SEZ6L: variants seen among roughly 807,000 people sequenced by gnomAD.
SEZ6L encodes seizure 6-like protein.
A neutral mutation model predicts 106.2 loss-of-function variants in SEZ6L; 37 were observed. The ratio of observed to expected loss-of-function variants is 0.35; its 90% CI spans 0.27 to 0.46. SEZ6L has a LOEUF of 0.46. Among genes scored for constraint, SEZ6L ranks in the 20% least tolerant of loss-of-function variants. The probability of loss-of-function intolerance (pLI) is 1.00; values close to 1 mark genes in which losing one functional copy is unlikely to be tolerated. For missense variants in SEZ6L, 1,172 were observed against 1,332.8 expected (o/e 0.88, Z 1.88); for synonymous variants, 541 against 570.4 (o/e 0.95, Z 0.73).
chr22:26,198,195 G>A (rs568777743), intron 1 of SEZ6L, among the ~76,000 whole-genome samples: 5 of 152,290 alleles, frequency 3.3e-5, no homozygotes, highest in Non-Finnish European at 5.9e-5. Flanking sequence ...TGAGCCTCTG[G>A]TTTTGCTTCT....
chr22:26,222,827 A>C (rs1233891355), intron 1 of SEZ6L, among the ~76,000 whole-genome samples: 2 of 152,170 alleles, frequency 1.3e-5, no homozygotes, highest in Non-Finnish European at 2.9e-5. Flanking sequence ...TATCCATCAC[A>C]GTGGTTCTTA....
In SEZ6L at chr22:26,169,727, C is replaced by T; in HGVS notation, c.58C>T (p.Leu20=). ...GLRGISLFLA[L]LLGSPAAALE... Reference sequence around the variant, plus strand: ...CCGCGGGATCTCGCTGTTCCTCGCTCTGCTCCTGGGGAGCCCGGCGGCAGC... The same window carrying T: ...CCGCGGGATCTCGCTGTTCCTCGCTTTGCTCCTGGGGAGCCCGGCGGCAGC... Residue 20 remains leucine (L), a synonymous_variant, in exon 1 of 17, where the codon CTG becomes TTG. Coordinates refer to ENST00000248933, the MANE Select transcript of SEZ6L (RefSeq NM_021115.5). The T allele has an allele frequency of 1.6e-6, 2 of 1,287,738 alleles. No individual in the cohort carries two copies. Among genetic ancestry groups the T allele is most frequent in the Non-Finnish European group, 2.0e-6 (2 of 1,019,860 alleles). 79.8% of individuals were successfully genotyped at this position (1,287,738 alleles called of 1,614,324 possible).
intron 1 of SEZ6L, among the ~76,000 whole-genome samples, chr22:26,192,378 A>G (rs1174283553): frequency 4.6e-5 from 7 of 152,158 alleles, no homozygotes; most frequent in Admixed American, 4.6e-4. Flanking sequence ...TGTAACATTT[A>G]AGAAGAAGTA....
intron 9 of SEZ6L, among the ~76,000 whole-genome samples, chr22:26,337,031 C>T (rs914127327): frequency 6.6e-6 from 1 of 152,138 alleles, no homozygotes; most frequent in Non-Finnish European, 1.5e-5. Context: ...CATCACCGAG[C>T]TTGCCCAGGT....
chr22:26,263,730 A>C (rs894201451), intron 1 of SEZ6L, among the ~76,000 whole-genome samples: 1 of 152,212 alleles, frequency 6.6e-6, no homozygotes. Context: ...TTTACAGTGC[A>C]GGAAAATCTC....
chr22:26,293,008 C>G lies in SEZ6L; in HGVS notation c.697C>G (p.Pro233Ala). 1 of 1,614,180 alleles carries G rather than the reference C, an allele frequency of 6.2e-7. No individual in the cohort carries two copies. Among genetic ancestry groups the G allele is most frequent in the Non-Finnish European group, 8.5e-7 (1 of 1,180,012 alleles). Residue 233 changes from proline to alanine, a missense_variant, in exon 2 of 17, where the codon CCC (proline) becomes GCC (alanine). Pro to Ala is a conservative substitution (Grantham distance 27). Transcript: ENST00000248933. ...EPGPDMAQEA[P>A]QEDTSPMALM... ...TGGGCCTGACATGGCCCAGGAGGCCCCCCAGGAGGACACCAGCCCCATGGC... is the reference window on the plus strand; with the variant it reads ...TGGGCCTGACATGGCCCAGGAGGCCGCCCAGGAGGACACCAGCCCCATGGC...
chr22:26,379,862 T>C (rs1161100597), intron 16 of SEZ6L, among the ~76,000 whole-genome samples: 1 of 152,238 alleles, frequency 6.6e-6, no homozygotes, highest in Non-Finnish European at 1.5e-5. Flanking sequence ...AATGGCTTAA[T>C]GCAACAAGCA....
At chr22:26,350,330 C>T (rs149305253) in intron 11 of SEZ6L, among the ~76,000 whole-genome samples, 10 of 151,554 alleles carry the variant, frequency 6.6e-5, no homozygotes, top group East Asian at 2.0e-4. Flanking sequence ...CAGGCTTAAG[C>T]GATCCTCTCA....
chr22:26,226,922 G>A (rs1263836381), intron 1 of SEZ6L, among the ~76,000 whole-genome samples: 1 of 152,196 alleles, frequency 6.6e-6, no homozygotes, highest in Non-Finnish European at 1.5e-5. Flanking sequence ...CAATAAAGAT[G>A]AGAGAGCAGA....
intron 1 of SEZ6L, among the ~76,000 whole-genome samples, chr22:26,263,124 G>T (rs561626087): frequency 6.6e-6 from 1 of 152,080 alleles, no homozygotes; most frequent in African/African-American, 2.4e-5. Context: ...ATGGTCTACC[G>T]GGTGCCACAT....
intron 1 of SEZ6L, among the ~76,000 whole-genome samples, chr22:26,248,159 C>A (rs1602151507): frequency 6.6e-6 from 1 of 152,200 alleles, no homozygotes; most frequent in Non-Finnish European, 1.5e-5. Context: ...CTACTGTGTG[C>A]CAGGTAGTTC....
intron 15 of SEZ6L, 148 bp downstream of exon 15, chr22:26,375,837 G>T (rs1239879220): frequency 3.3e-6 from 2 of 613,598 alleles, no homozygotes; most frequent in Non-Finnish European, 5.8e-6. Context: ...CCCAGATTCA[G>T]CCCAACTCTG....
At chr22:26,333,715 T>G (rs961606292) in intron 9 of SEZ6L, among the ~76,000 whole-genome samples, 2 of 152,034 alleles carry the variant, frequency 1.3e-5, no homozygotes, top group African/African-American at 4.8e-5. Context: ...CAGATGAGCA[T>G]CCCCAGACCA....
chr22:26,246,888 C>G (rs1222144230), intron 1 of SEZ6L, among the ~76,000 whole-genome samples: 1 of 152,178 alleles, frequency 6.6e-6, no homozygotes, highest in African/African-American at 2.4e-5. Context: ...ATGGCACCGT[C>G]TGGGTCTCAA....
chr22:26,238,916 A>G (rs956004278), intron 1 of SEZ6L, among the ~76,000 whole-genome samples: 27 of 152,340 alleles, frequency 1.8e-4, no homozygotes, highest in Admixed American at 5.9e-4. Flanking sequence ...CAGAAAGTCC[A>G]GTGTGACTTT....
chr22:26,267,303 T>C (rs2080221516), intron 1 of SEZ6L, among the ~76,000 whole-genome samples: 1 of 152,190 alleles, frequency 6.6e-6, no homozygotes, highest in Admixed American at 6.5e-5. Flanking sequence ...ACTGCCAGGT[T>C]TTCCTGCCTG....
At chr22:26,222,830 G>T (rs2145727587) in intron 1 of SEZ6L, among the ~76,000 whole-genome samples, 1 of 152,222 alleles carries the variant, frequency 6.6e-6, no homozygotes, top group South Asian at 2.1e-4. Context: ...CCATCACAGT[G>T]GTTCTTAACC....
rs563402430 is a variant in SEZ6L, at chr22:26,309,916, A to G, written c.1515-754A>G. Among the ~76,000 whole-genome samples the G allele has an allele frequency of 5.6e-5, 5 of 89,772 alleles. No homozygotes were observed. In the East Asian group the frequency reaches 1.1e-3, roughly 20 times the overall value. The allele number at this position is 89,772 out of a possible 152,430, so 58.9% of individuals were successfully genotyped here. A position where few individuals can be genotyped will look rare whatever the true frequency, so the allele number is the denominator to read the frequency against. On this transcript the variant is annotated intron_variant, in intron 6 of 16. Transcript: ENST00000248933. ...TGCAATTGTACCCATTTTACAGATG[A>G]GAAAACAGAGGCTCAGAGAAGTGAA...
Position 26,220,039 on chromosome 22 carries a change from A to G in SEZ6L, c.94+50276A>G, listed in dbSNP as rs7286355. ...GGCTTCTGGGGTGGGGATGCCAGTG[A>G]GCTTTGATGGGTGAAGTAAGCCTCA... On this transcript the variant is annotated intron_variant, in intron 1 of 16. Transcript: ENST00000248933. 2.8e-3 allele frequency among the ~76,000 whole-genome samples: 433 copies of G among 152,268 alleles called. 2 individuals carry two copies. Among genetic ancestry groups the G allele is most frequent in the African/African-American group, 0.01 (417 of 41,552 alleles).
Sources: allele counts gnomAD v4.1 joint callset (sites outside exome capture counted in the v4.1 genomes callset), GRCh38; gene constraint gnomAD v4.1.1; transcripts MANE v1.5; gene names NCBI Gene and HGNC (gene_info 2026-07-23, HGNC 2026-07-21).